DMD: variants seen among roughly 807,000 people sequenced by gnomAD.
DMD encodes the protein dystrophin.
A neutral mutation model predicts 330.1 loss-of-function variants in DMD; 63 were observed. That is an observed-to-expected ratio of 0.19 (90% CI 0.16 to 0.24). DMD has a LOEUF of 0.24. DMD is among the 10% of genes least tolerant of loss of function. The pLI, the probability that DMD is intolerant of heterozygous loss-of-function variation, is 1.00. For missense variants in DMD, 3,344 were observed against 2,684.1 expected, an observed-to-expected ratio of 1.25 and a Z score of -5.43; for synonymous variants, 1,223 against 959.8, an observed-to-expected ratio of 1.27 and a Z score of -5.07.
At position 31,830,550 on chromosome X, in the gene DMD, C is replaced by T. The variant is rs979960075; in HGVS notation, c.7200+6168G>A. Among the ~76,000 whole-genome samples, 9 of 110,491 alleles carry T rather than the reference C, an allele frequency of 8.1e-5. No homozygotes were observed. The East Asian group carries it at 1.1e-3, about 14-fold the overall frequency. On this transcript the variant is annotated intron_variant, in intron 49 of 78. Transcript: ENST00000357033. ...TGTAGGTTGCGGTGAGCCGAGATCG[C>T]GCCACCGCACTCCAGCCTGGGCAAC...
At chrX:32,581,077 C>T (rs1039527677) in intron 13 of DMD, among the ~76,000 whole-genome samples, 9 of 111,789 alleles carry the variant, frequency 8.1e-5, no homozygotes, top group African/African-American at 2.6e-4. Flanking sequence ...CTGCCCGCCT[C>T]GGCCTCGCAA....
chrX:31,402,540 C>G (rs897253394), intron 60 of DMD, among the ~76,000 whole-genome samples: 1 of 111,579 alleles, frequency 9.0e-6, no homozygotes, highest in East Asian at 2.8e-4. Flanking sequence ...TTAGATGGTC[C>G]CTTAGTTTAC....
rs2092718605 is a variant in DMD, at chrX:31,820,012, C to G, written c.7272G>C (p.Gln2424His). ...NRLLQELRAK[Q>H]PDLAPGLTTI... ...TGGTCAGTCCAGGAGCTAGGTCAGGCTGCTTTGCCCTCAGCTCTTGAAGTA... is the reference window on the plus strand; with the variant it reads ...TGGTCAGTCCAGGAGCTAGGTCAGGGTGCTTTGCCCTCAGCTCTTGAAGTA... Residue 2424 changes from glutamine to histidine, a missense_variant, in exon 50 of 79, where the codon CAG (glutamine) becomes CAC (histidine). Coordinates refer to ENST00000357033, the MANE Select transcript of DMD (RefSeq NM_004006.3). The G allele has an allele frequency of 8.3e-7, 1 of 1,210,155 alleles. No individual in the cohort carries two copies. Among genetic ancestry groups the G allele is most frequent in the African/African-American group, 1.7e-5 (1 of 57,275 alleles).
chrX:33,304,028 T>A (rs1271451358), intron 1 of DMD, among the ~76,000 whole-genome samples: 1 of 111,633 alleles, frequency 9.0e-6, no homozygotes, highest in Non-Finnish European at 1.9e-5. Flanking sequence ...TAAATATGAA[T>A]TAATTCCTTT....
intron 2 of DMD, among the ~76,000 whole-genome samples, chrX:32,876,588 G>A (rs1404933709): frequency 9.0e-6 from 1 of 111,478 alleles, no homozygotes. Flanking sequence ...GCGGTCTCTC[G>A]GTCATTTGTT....
intron 1 of DMD, among the ~76,000 whole-genome samples, chrX:33,051,285 C>T (rs1045694245): frequency 3.8e-5 from 4 of 104,852 alleles, no homozygotes; most frequent in African/African-American, 1.4e-4. Flanking sequence ...AATCTCGGCT[C>T]ACTGCAACCT....
At chrX:32,923,924 C>A (rs1286475547) in intron 2 of DMD, among the ~76,000 whole-genome samples, 2 of 111,402 alleles carry the variant, frequency 1.8e-5, no homozygotes, top group East Asian at 5.6e-4. Flanking sequence ...GAAAATGAAG[C>A]TTTCCAGAAT....
chrX:32,584,777 GA>G (rs1421895332), intron 13 of DMD, among the ~76,000 whole-genome samples: 2 of 112,027 alleles, frequency 1.8e-5, no homozygotes, highest in Non-Finnish European at 3.8e-5. Flanking sequence ...AAGAGTTTAT[GA>G]TACCATAGGG....
intron 44 of DMD, among the ~76,000 whole-genome samples, chrX:32,110,790 A>C (rs2096586070): frequency 8.9e-6 from 1 of 112,050 alleles, no homozygotes; most frequent in Non-Finnish European, 1.9e-5. Context: ...CTGGTGGTAG[A>C]AAGTTTACCA....
chrX:31,704,168 C>T (rs1453702384), intron 52 of DMD, among the ~76,000 whole-genome samples: 6 of 111,473 alleles, frequency 5.4e-5, no homozygotes, highest in African/African-American at 2.0e-4. Context: ...ATGACTTATC[C>T]TAAAAATCTA....
chrX:33,258,900 G>A (rs1442144282), intron 1 of DMD, among the ~76,000 whole-genome samples: 1 of 111,272 alleles, frequency 9.0e-6, no homozygotes, highest in African/African-American at 3.3e-5. Flanking sequence ...GATGTTGTAT[G>A]AGGAGCAAGT....
intron 5 of DMD, among the ~76,000 whole-genome samples, chrX:32,819,482 G>A (rs1285533596): frequency 9.0e-6 from 1 of 111,302 alleles, no homozygotes; most frequent in Admixed American, 9.6e-5. Context: ...ACTTAAGAAG[G>A]AAGAAAAAGA....
At chrX:32,652,681 A>C (rs1443769750) in intron 9 of DMD, among the ~76,000 whole-genome samples, 5 of 110,874 alleles carry the variant, frequency 4.5e-5, no homozygotes. Flanking sequence ...TAATGGGATA[A>C]AATGGGATGG....
chrX:33,112,738 T>A (rs910526306), intron 1 of DMD, among the ~76,000 whole-genome samples: 1 of 110,717 alleles, frequency 9.0e-6, no homozygotes, highest in South Asian at 3.9e-4. Context: ...ATATTCACTA[T>A]ATGAAATTAA....
chrX:33,136,278 CAAAAAAAAAAAAA>C (rs57297863), intron 1 of DMD, among the ~76,000 whole-genome samples: 1 of 19,717 alleles, frequency 5.1e-5, no homozygotes, highest in African/African-American at 2.8e-4. Context: ...GACCCCGTCT[CAAAAAAAAAAAAA>C]AAAAAAAAAA....
chrX:32,167,320 C>A (rs749100245), intron 44 of DMD, among the ~76,000 whole-genome samples: 2 of 112,096 alleles, frequency 1.8e-5, no homozygotes, highest in Admixed American at 1.9e-4. Flanking sequence ...CTGAGAAAGG[C>A]AATATTAAAC....
At chrX:32,314,341 CA>C (rs1159223042) in intron 41 of DMD, among the ~76,000 whole-genome samples, 4 of 111,297 alleles carry the variant, frequency 3.6e-5, no homozygotes, top group Middle Eastern at 4.7e-3. Context: ...ACTGGCTGGC[CA>C]TATGCAGAAA....
rs190263446 is a variant in DMD at position 32,627,079 on chromosome X, T to C, written c.1332-12626A>G. 6.0e-3 allele frequency among the ~76,000 whole-genome samples: 624 copies of C among 103,148 alleles called. 79 individuals are homozygous for C. The highest frequency in any genetic ancestry group is 0.021 in the African/African-American group (513 of 23,907). The allele number at this position is 103,148 out of a possible 115,157, so 89.6% of individuals were successfully genotyped here. On this transcript the variant is annotated intron_variant, in intron 11 of 78. Coordinates refer to ENST00000357033, the MANE Select transcript of DMD (RefSeq NM_004006.3). Reference sequence around the variant, plus strand: ...GGGAATGGAGCCCAGGTATTGGTTCTGTAAAAAACTATCCAACCAGGTAAT... The same window carrying C: ...GGGAATGGAGCCCAGGTATTGGTTCCGTAAAAAACTATCCAACCAGGTAAT...
intron 44 of DMD, among the ~76,000 whole-genome samples, chrX:32,056,671 C>T (rs1055731141): frequency 2.7e-5 from 3 of 110,789 alleles, no homozygotes; most frequent in African/African-American, 3.3e-5. Context: ...CAAATGTCAT[C>T]ACTGGTGAAA....
Sources: gnomAD v4.1 joint callset for allele counts (sites outside exome capture counted in the v4.1 genomes callset) on GRCh38, gnomAD v4.1.1 for gene constraint, MANE v1.5 for transcripts, NCBI Gene and HGNC (gene_info 2026-07-23, HGNC 2026-07-21) for gene names.